Variants in CCNY observed in about 807,000 individuals in gnomAD.
The protein encoded by CCNY is cyclin Y.
CCNY carries 19 observed loss-of-function variants against 42.8 expected under a neutral mutation model. That is an observed-to-expected ratio of 0.44 (90% CI 0.31 to 0.65). The LOEUF (loss-of-function observed/expected upper bound fraction) is 0.65. CCNY is among the 30% of genes least tolerant of loss of function. CCNY has a pLI of 0.07. For missense variants in CCNY, 370 were observed against 437.3 expected (o/e 0.85, Z 1.37); for synonymous variants, 165 against 162.7 (o/e 1.01, Z -0.11).
At chr10:35,271,642 T>C (rs1302993608) in intron 3 of CCNY, among the ~76,000 whole-genome samples, 1 of 152,176 alleles carries the variant, frequency 6.6e-6, no homozygotes, top group Non-Finnish European at 1.5e-5. Context: ...AAATCTGAGC[T>C]TCCCACTCTG....
chr10:35,308,524 C>G (rs1175621250), intron 3 of CCNY, among the ~76,000 whole-genome samples: 1 of 152,096 alleles, frequency 6.6e-6, no homozygotes, highest in Non-Finnish European at 1.5e-5. Context: ...TGCACTCCAG[C>G]CTGCGTGACA....
rs150810752 is a variant in CCNY at position 35,382,115 on chromosome 10, C to T, written c.154+44908C>T. Among the ~76,000 whole-genome samples the T allele has an allele frequency of 3.3e-3, 507 of 152,136 alleles. 3 individuals carry two copies. Among genetic ancestry groups the T allele is most frequent in the Non-Finnish European group, 4.6e-3 (311 of 68,014 alleles). On this transcript the variant is annotated intron_variant, in intron 1 of 9. Transcript: ENST00000374704. The stretch of plus-strand genomic sequence containing the variant: ...AATGTGTTAGATATGCCGTTGTAGG[C>T]GAAGGCTTTTTCTGTGATTCGTTTT...
rs775450185 is a variant in CCNY at position 35,253,414 on chromosome 10, A to AATTTTTTTTTT, written c.-9+2788_-9+2789insATTTTTTTTTT. Among the ~76,000 whole-genome samples the AATTTTTTTTTT allele has an allele frequency of 2.2e-5, 2 of 89,036 alleles. 1 individual carries two copies. Among genetic ancestry groups the AATTTTTTTTTT allele is most frequent in the African/African-American group, 9.5e-5 (2 of 21,142 alleles). The allele number at this position is 89,036 out of a possible 152,430, so 58.4% of individuals were successfully genotyped here. ...ACAGGCATGCACCAGCATGCTCACT[A>AATTTTTTTTTT]TTTTTTTTTTTTTTTTTTTTTTTTT... On this transcript the variant is annotated intron_variant, in intron 3 of 11. Coordinates refer to the CCNY transcript ENST00000374706.
chr10:35,296,205 A>G (rs1589021931), intron 3 of CCNY, among the ~76,000 whole-genome samples: 1 of 152,352 alleles, frequency 6.6e-6, no homozygotes. Flanking sequence ...ATTGAGAAGC[A>G]AAAAACTATA....
At chr10:35,257,335 A>T in intron 3 of CCNY, among the ~76,000 whole-genome samples, 1 of 129,802 alleles carries the variant, frequency 7.7e-6, no homozygotes. Context: ...TTGAGACAGG[A>T]TCTCGCTATG....
In CCNY at chr10:35,301,871, G is replaced by A. The variant is rs937532483; in HGVS notation, c.-9+51245G>A. On this transcript the variant is annotated intron_variant, in intron 3 of 11. Coordinates refer to the CCNY transcript ENST00000374706. The stretch of plus-strand genomic sequence containing the variant: ...TGGTTTCAAACTCCTGGGCTCAAGC[G>A]ATCTGCCCGCCTCGGCCTCCCAAAA... Among the ~76,000 whole-genome samples, 6 of 152,116 alleles carry A rather than the reference G, an allele frequency of 3.9e-5. 1 individual carries two copies. Among genetic ancestry groups the A allele is most frequent in the South Asian group, 4.1e-4 (2 of 4,828 alleles).
chr10:35,459,131 A>C (rs1249121266), intron 1 of CCNY, among the ~76,000 whole-genome samples: 1 of 152,244 alleles, frequency 6.6e-6, no homozygotes, highest in Non-Finnish European at 1.5e-5. Flanking sequence ...GCTTTAGTTC[A>C]GAAGAGGGTA....
chr10:35,545,290 G>T (rs1841089267), intron 7 of CCNY, among the ~76,000 whole-genome samples: 1 of 152,158 alleles, frequency 6.6e-6, no homozygotes, highest in Non-Finnish European at 1.5e-5. Context: ...ATTCCCTGGG[G>T]CTGCCAGAAC....
chr10:35,456,925 G>A (rs1839048870), intron 1 of CCNY, among the ~76,000 whole-genome samples: 1 of 152,150 alleles, frequency 6.6e-6, no homozygotes. Context: ...GATATCCATG[G>A]CTATAAAAAG....
chr10:35,501,908 C>T (rs1840117995), intron 3 of CCNY, among the ~76,000 whole-genome samples: 1 of 152,214 alleles, frequency 6.6e-6, no homozygotes, highest in Non-Finnish European at 1.5e-5. Flanking sequence ...TTTGAATAAA[C>T]ACATAGTTGT....
intron 1 of CCNY, among the ~76,000 whole-genome samples, chr10:35,457,191 T>C (rs578031805): frequency 6.6e-6 from 1 of 152,364 alleles, no homozygotes; most frequent in East Asian, 1.9e-4. Context: ...TTTCTCCTTT[T>C]CATTCTGTTT....
At chr10:35,289,241 A>G (rs1835385824) in intron 3 of CCNY, among the ~76,000 whole-genome samples, 2 of 152,176 alleles carry the variant, frequency 1.3e-5, no homozygotes, top group South Asian at 2.1e-4. Flanking sequence ...TATATTGACT[A>G]TCAAATGATC....
intron 3 of CCNY, among the ~76,000 whole-genome samples, chr10:35,268,000 C>T (rs993433800): frequency 1.3e-5 from 2 of 152,114 alleles, no homozygotes; most frequent in African/African-American, 4.8e-5. Flanking sequence ...GGCTGGCTCA[C>T]TGCAGCCTGC....
At chr10:35,419,482 G>GGGT (rs1366509016) in intron 1 of CCNY, among the ~76,000 whole-genome samples, 1 of 151,492 alleles carries the variant, frequency 6.6e-6, no homozygotes, top group Non-Finnish European at 1.5e-5. Flanking sequence ...GTATGTGCTA[G>GGGT]GGTGGTGGCC....
In CCNY at chr10:35,465,905, AAGAG is replaced by A. The variant is rs56166429; in HGVS notation, c.155-17468_155-17465del. Reference sequence around the variant, plus strand: ...TCAGGATTATCAGCAGGGTAGGGGGAAGAGAGAGAGAGAGAGAGAGAGAGAGAGA... The same window carrying A: ...TCAGGATTATCAGCAGGGTAGGGGGAAGAGAGAGAGAGAGAGAGAGAGAGA... On this transcript the variant is annotated intron_variant, in intron 1 of 9. Coordinates refer to ENST00000374704, the MANE Select transcript of CCNY (RefSeq NM_145012.6). Among the ~76,000 whole-genome samples, 777 of 99,060 alleles carry A rather than the reference AAGAG, an allele frequency of 7.8e-3. 2 individuals are homozygous for A. Among genetic ancestry groups the A allele is most frequent in the South Asian group, 0.015 (40 of 2,604 alleles). The allele number at this position is 99,060 out of a possible 152,430, so 65.0% of individuals were successfully genotyped here.
chr10:35,513,485 C>G (rs1234463245), intron 3 of CCNY, among the ~76,000 whole-genome samples: 1 of 152,194 alleles, frequency 6.6e-6, no homozygotes, highest in African/African-American at 2.4e-5. Flanking sequence ...AAGAACATCC[C>G]TGTTGCTTTT....
At chr10:35,289,593 G>T (rs1329109043) in intron 3 of CCNY, among the ~76,000 whole-genome samples, 1 of 152,090 alleles carries the variant, frequency 6.6e-6, no homozygotes, top group East Asian at 1.9e-4. Flanking sequence ...TAAAAAACTG[G>T]CCGAGAGCAG....
intron 1 of CCNY, among the ~76,000 whole-genome samples, chr10:35,360,293 T>C (rs1836654575): frequency 6.7e-6 from 1 of 149,694 alleles, no homozygotes; most frequent in African/African-American, 2.5e-5. Flanking sequence ...CTTTTCTTTT[T>C]TTTTTTTTTT....
chr10:35,389,522 C>G (rs2504369), intron 1 of CCNY, among the ~76,000 whole-genome samples: 7,952 of 150,852 alleles, frequency 0.053, 300 homozygotes, highest in African/African-American at 0.11. Flanking sequence ...TTGCTGCAAC[C>G]TCTGCCTCCC....
Sources: allele counts gnomAD v4.1 joint callset (sites outside exome capture counted in the v4.1 genomes callset), GRCh38; gene constraint gnomAD v4.1.1; transcripts MANE v1.5; gene names NCBI Gene and HGNC (gene_info 2026-07-23, HGNC 2026-07-21).